Variants in ERBB4 observed in about 807,000 individuals in gnomAD.
The protein encoded by ERBB4 is erb-b2 receptor tyrosine kinase 4, also known as receptor tyrosine-protein kinase erbB-4.
Under a neutral mutation model 158.0 loss-of-function variants are expected in ERBB4, and 42 were observed. The observed-to-expected ratio is 0.27, with a 90% CI of 0.21 to 0.34. The LOEUF is 0.34. Among genes scored for constraint, ERBB4 ranks in the 10% least tolerant of loss-of-function variants. The probability of loss-of-function intolerance (pLI) is 1.00; values close to 1 mark genes in which losing one functional copy is unlikely to be tolerated. For synonymous variants in ERBB4, 583 were observed against 558.7 expected, an observed-to-expected ratio of 1.04 and a Z score of -0.61; for missense variants, 1,333 against 1,624.1, an observed-to-expected ratio of 0.82 and a Z score of 3.08.
At chr2:211,890,566 A>C (rs550921661) in intron 3 of ERBB4, among the ~76,000 whole-genome samples, 18 of 149,878 alleles carry the variant, frequency 1.2e-4, no homozygotes, top group South Asian at 2.1e-4. Flanking sequence ...TATTAACTTT[A>C]AATGTAAATG....
chr2:212,037,778 C>T (rs569813397), intron 2 of ERBB4, among the ~76,000 whole-genome samples: 6 of 152,212 alleles, frequency 3.9e-5, no homozygotes, highest in African/African-American at 1.2e-4. Flanking sequence ...TTCTAAGGAA[C>T]GTTGTAAATC....
At chr2:212,322,240 T>C (rs1386274947) in intron 1 of ERBB4, among the ~76,000 whole-genome samples, 1 of 150,384 alleles carries the variant, frequency 6.6e-6, no homozygotes, top group Non-Finnish European at 1.5e-5. Context: ...TCTAGACATG[T>C]GACTTCGGGC....
chr2:212,524,039 C>G (rs1692315243), intron 1 of ERBB4, among the ~76,000 whole-genome samples: 1 of 151,938 alleles, frequency 6.6e-6, no homozygotes, highest in African/African-American at 2.4e-5. Context: ...CCCTCCCTAG[C>G]TATTGAAGAC....
intron 18 of ERBB4, among the ~76,000 whole-genome samples, chr2:211,620,053 A>G (rs2069539190): frequency 2.0e-5 from 3 of 152,292 alleles, no homozygotes; most frequent in African/African-American, 7.2e-5. Flanking sequence ...GAAATACAAC[A>G]TTAAGCTAAA....
intron 12 of ERBB4, among the ~76,000 whole-genome samples, chr2:211,679,770 C>T (rs555439812): frequency 1.3e-5 from 2 of 152,248 alleles, no homozygotes; most frequent in Admixed American, 6.5e-5. Flanking sequence ...ACCTCCACCT[C>T]CCGGGTTTAA....
intron 1 of ERBB4, among the ~76,000 whole-genome samples, chr2:212,167,824 C>T (rs1406866697): frequency 6.6e-6 from 1 of 152,030 alleles, no homozygotes; most frequent in East Asian, 1.9e-4. Context: ...TCATCCTCAG[C>T]AAACTAATAC....
chr2:212,279,705 CTTT>C (rs2085681114), intron 1 of ERBB4, among the ~76,000 whole-genome samples: 6 of 151,514 alleles, frequency 4.0e-5, no homozygotes, highest in African/African-American at 1.5e-4. Context: ...ATGAGTCTTA[CTTT>C]TCTTTCAAAA....
intron 20 of ERBB4, among the ~76,000 whole-genome samples, chr2:211,439,908 G>A (rs2063936308): frequency 2.0e-5 from 3 of 152,104 alleles, no homozygotes; most frequent in South Asian, 2.1e-4. Context: ...TCCTGAGGCC[G>A]ACAGAGATAA....
intron 20 of ERBB4, among the ~76,000 whole-genome samples, chr2:211,502,693 T>G (rs1266845982): frequency 1.3e-5 from 2 of 152,142 alleles, no homozygotes; most frequent in African/African-American, 4.8e-5. Context: ...TAGAGTACAA[T>G]GTGATGATAT....
chr2:211,694,634 T>A (rs547816442), intron 12 of ERBB4, among the ~76,000 whole-genome samples: 79 of 152,208 alleles, frequency 5.2e-4, no homozygotes, highest in African/African-American at 1.8e-3. Flanking sequence ...CTTAGAAGTA[T>A]AATTAAGATT....
intron 1 of ERBB4, among the ~76,000 whole-genome samples, chr2:212,496,025 CA>C (rs1690547698): frequency 1.3e-5 from 2 of 151,934 alleles, no homozygotes; most frequent in Admixed American, 1.3e-4. Context: ...ATCAAATTTT[CA>C]AAGATTCTCT....
chr2:211,571,652 ATC>A (rs1391853491), intron 19 of ERBB4, among the ~76,000 whole-genome samples: 1 of 152,182 alleles, frequency 6.6e-6, no homozygotes, highest in Admixed American at 6.5e-5. Context: ...AATGTCTGGC[ATC>A]TCTGTTTTTT....
chr2:211,963,179 G>A (rs2081226277), intron 2 of ERBB4, among the ~76,000 whole-genome samples: 1 of 152,050 alleles, frequency 6.6e-6, no homozygotes, highest in Non-Finnish European at 1.5e-5. Context: ...AATGTCTGGA[G>A]ATATTTGTGG....
intron 25 of ERBB4, among the ~76,000 whole-genome samples, chr2:211,392,455 A>G (rs1448670409): frequency 6.6e-6 from 1 of 151,886 alleles, no homozygotes; most frequent in African/African-American, 2.4e-5. Flanking sequence ...ATGACACATA[A>G]TGTCTTTTGT....
intron 2 of ERBB4, among the ~76,000 whole-genome samples, chr2:211,996,868 A>G (rs1162724878): frequency 6.6e-6 from 1 of 152,184 alleles, no homozygotes; most frequent in African/African-American, 2.4e-5. Flanking sequence ...TGAAACAAAT[A>G]TTTTGCTAAA....
chr2:212,532,920 T>C (rs1448353970), intron 1 of ERBB4, among the ~76,000 whole-genome samples: 2 of 152,230 alleles, frequency 1.3e-5, no homozygotes, highest in Non-Finnish European at 2.9e-5. Flanking sequence ...CTCCATATTG[T>C]AAAAGGGACA....
chr2:212,000,998 A>G (rs1261483868), intron 2 of ERBB4, among the ~76,000 whole-genome samples: 1 of 152,052 alleles, frequency 6.6e-6, no homozygotes, highest in Non-Finnish European at 1.5e-5. Context: ...AGTGGAAAAT[A>G]AATGTTACAA....
chr2:211,705,177 C>T, intron 10 of ERBB4, 141 bp downstream of exon 10: 1 of 685,398 alleles, frequency 1.5e-6, no homozygotes, highest in Non-Finnish European at 2.7e-6. Flanking sequence ...GGATTTCCAT[C>T]TCCTGACCTC....
At chr2:212,060,687 A>G (rs1026758884) in intron 2 of ERBB4, among the ~76,000 whole-genome samples, 3 of 149,246 alleles carry the variant, frequency 2.0e-5, no homozygotes, top group African/African-American at 7.3e-5. Context: ...GGAAACCATC[A>G]TTCTCAGCAA....
Sources: gnomAD v4.1 joint callset for allele counts (sites outside exome capture counted in the v4.1 genomes callset) on GRCh38, gnomAD v4.1.1 for gene constraint, MANE v1.5 for transcripts, NCBI Gene and HGNC (gene_info 2026-07-23, HGNC 2026-07-21) for gene names.